The following RIMKLA variants were observed in gnomAD, a reference collection of about 807,000 sequenced individuals.
The protein encoded by RIMKLA is N-acetylaspartylglutamate synthase A.
A neutral mutation model predicts 32.7 loss-of-function variants in RIMKLA; 14 were observed. The observed-to-expected ratio is 0.43, with a 90% confidence interval of 0.28 to 0.67. The LOEUF (loss-of-function observed/expected upper bound fraction) is 0.67, where lower values mean the gene tolerates loss of function less well. Ranked by LOEUF, RIMKLA falls within the 30% of genes least tolerant of loss-of-function variation. The pLI is 0.18. For synonymous variants in RIMKLA, 176 were observed against 204.1 expected (o/e 0.86, Z 1.18); for missense variants, 410 against 519.0 (o/e 0.79, Z 2.04).
chr1:42,388,653 G>T (rs908591875), intron 1 of RIMKLA, among the ~76,000 whole-genome samples: 4 of 151,910 alleles, frequency 2.6e-5, no homozygotes, highest in Admixed American at 6.6e-5. Context: ...CAAGTAGCTG[G>T]GATTACAGGC....
chr1:42,402,131 C>T (rs938376539), intron 2 of RIMKLA, among the ~76,000 whole-genome samples: 24 of 152,284 alleles, frequency 1.6e-4, no homozygotes, highest in African/African-American at 5.5e-4. Flanking sequence ...ATCATTAGCA[C>T]TCTTGTGAAC....
Position 42,417,445 on chromosome 1 carries a change from A to C in RIMKLA, c.*2471A>C, listed in dbSNP as rs1643258357. ...CTGGCCACAGGCCTGCTGAAGGAAC[A>C]TGGGGTGTAGAGCCAGAGCCTGGTT... On this transcript the variant is annotated 3_prime_UTR_variant, in exon 5 of 5. Transcript: ENST00000431473. The C allele has an allele frequency of 2.0e-5, 3 of 152,264 alleles. No individual in the cohort carries two copies. Among genetic ancestry groups the C allele is most frequent in the Non-Finnish European group, 4.4e-5 (3 of 68,064 alleles). The allele number at this position is 152,264 out of a possible 1,614,324, so 9.4% of individuals were successfully genotyped here.
At chr1:42,391,538 G>A (rs915945999) in intron 1 of RIMKLA, among the ~76,000 whole-genome samples, 1 of 152,136 alleles carries the variant, frequency 6.6e-6, no homozygotes, top group African/African-American at 2.4e-5. Context: ...ACAGGATGCA[G>A]CTTGACTCAG....
At chr1:42,381,137 G>A (rs1431079931) in intron 1 of RIMKLA, 40 bp downstream of exon 1, 33 of 1,241,140 alleles carry the variant, frequency 2.7e-5, no homozygotes, top group Non-Finnish European at 2.0e-6. Context: ...GAGGCGCGCC[G>A]GGGTCCACGA....
In RIMKLA at chr1:42,399,551, G is replaced by A; in HGVS notation, c.311G>A (p.Ser104Asn). ...TGCCGGTTGGTCAATCGCCCACAGAGCATCTTAAATTGCATCAACAAATTC... is the reference window on the plus strand; with the variant it reads ...TGCCGGTTGGTCAATCGCCCACAGAACATCTTAAATTGCATCAACAAATTC... The part of the protein sequence containing the change: ...LGCRLVNRPQ[S>N]ILNCINKFWT... The change falls in exon 2 of 5, where the codon AGC becomes AAC. Residue 104 changes from serine (S) to asparagine (N), a missense_variant. By Grantham distance (46) the Ser-to-Asn change is conservative. Transcript: ENST00000431473. 1 of 1,613,552 alleles carries A rather than the reference G, an allele frequency of 6.2e-7. No homozygotes were observed. The highest frequency in any genetic ancestry group is 1.1e-5 in the South Asian group (1 of 90,828).
intron 1 of RIMKLA, among the ~76,000 whole-genome samples, chr1:42,384,146 T>C (rs1405883671): frequency 6.6e-6 from 1 of 152,116 alleles, no homozygotes; most frequent in African/African-American, 2.4e-5. Flanking sequence ...ATCCAGGGCT[T>C]AGAGTTTCAG....
chr1:42,382,061 G>A (rs1052719414), intron 1 of RIMKLA, among the ~76,000 whole-genome samples: 7 of 152,146 alleles, frequency 4.6e-5, no homozygotes, highest in African/African-American at 1.7e-4. Flanking sequence ...ACTTTGCTTT[G>A]GCAGGGGAAG....
At chr1:42,390,957 A>T (rs1642995158) in intron 1 of RIMKLA, among the ~76,000 whole-genome samples, 1 of 152,134 alleles carries the variant, frequency 6.6e-6, no homozygotes, top group Admixed American at 6.6e-5. Context: ...TTTGAATAGG[A>T]TAAGAAGGGA....
intron 1 of RIMKLA, among the ~76,000 whole-genome samples, chr1:42,389,681 G>C (rs1048609964): frequency 1.3e-5 from 2 of 152,082 alleles, no homozygotes; most frequent in Non-Finnish European, 2.9e-5. Flanking sequence ...GGGCGTGGTG[G>C]TGCGCGCCCA....
chr1:42,383,224 G>T lies in RIMKLA; in HGVS notation c.163+2127G>T, dbSNP rs1327970195. Among the ~76,000 whole-genome samples, 10 of 152,168 alleles carry T rather than the reference G, an allele frequency of 6.6e-5. No individual in the cohort carries two copies. The South Asian group carries it at 2.1e-3, about 32-fold the overall frequency. The stretch of plus-strand genomic sequence containing the variant: ...TACAGGAAAATGTACACAGCTATTT[G>T]CCTGGTCGATGGAGAAATTGAAGAC... On this transcript the variant is annotated intron_variant, in intron 1 of 4. Coordinates refer to ENST00000431473, the MANE Select transcript of RIMKLA (RefSeq NM_173642.4).
chr1:42,410,844 A>T (rs1350397738), intron 4 of RIMKLA, among the ~76,000 whole-genome samples: 4 of 152,188 alleles, frequency 2.6e-5, no homozygotes, highest in Non-Finnish European at 2.9e-5. Context: ...AAAAATCACA[A>T]TCACTAGTTA....
chr1:42,399,419 A>G lies in RIMKLA; in HGVS notation c.179A>G (p.Gln60Arg). ...VGGHLGLQLN[Q>R]KALTTFPDVV... is the part of the protein sequence containing the mutation. ...TGAATTGCAGGCCTCCAGCTAAACC[A>G]GAAGGCCCTCACCACTTTCCCGGAT... Residue 60 changes from glutamine to arginine, a missense_variant, in exon 2 of 5, where the codon CAG becomes CGG. By Grantham distance (43) the Gln-to-Arg change is conservative (BLOSUM62 1). Coordinates refer to ENST00000431473, the MANE Select transcript of RIMKLA (RefSeq NM_173642.4). The G allele has an allele frequency of 1.2e-6, 2 of 1,610,276 alleles. No homozygotes were observed. Among genetic ancestry groups the G allele is most frequent in the Admixed American group, 1.7e-5 (1 of 59,532 alleles).
At chr1:42,395,918 G>T (rs148529002) in intron 1 of RIMKLA, among the ~76,000 whole-genome samples, 39 of 152,278 alleles carry the variant, frequency 2.6e-4, no homozygotes, top group African/African-American at 8.2e-4. Context: ...GAAAGAGCAG[G>T]AGGCATGTGA....
rs1643313045 is a variant in RIMKLA, at chr1:42,423,582, TGCAGGG to T, written c.*8612_*8617del. Among the ~76,000 whole-genome samples the T allele has an allele frequency of 6.6e-6, 1 of 152,216 alleles. No homozygotes were observed. On this transcript the variant is annotated 3_prime_UTR_variant, in exon 5 of 5. Coordinates refer to ENST00000431473, the MANE Select transcript of RIMKLA (RefSeq NM_173642.4). ...ACGGTGGCTCTGGCAGAAACCATGC[TGCAGGG>T]GCACAGGTGGAGAGATGTTCAGGCT...
intron 3 of RIMKLA, among the ~76,000 whole-genome samples, chr1:42,404,911 A>T (rs1241988728): frequency 6.7e-6 from 1 of 150,258 alleles, no homozygotes; most frequent in East Asian, 2.0e-4. Flanking sequence ...TCACTGAAAA[A>T]CCCTCCCAAG....
At chr1:42,383,734 C>T (rs536914862) in intron 1 of RIMKLA, among the ~76,000 whole-genome samples, 1 of 152,284 alleles carries the variant, frequency 6.6e-6, no homozygotes, top group East Asian at 1.9e-4. Context: ...CGAAGAAGAA[C>T]CTGAGGCTCT....
chr1:42,407,448 T>C (rs939227053), intron 3 of RIMKLA, among the ~76,000 whole-genome samples: 60 of 152,218 alleles, frequency 3.9e-4, no homozygotes, highest in African/African-American at 1.4e-3. Flanking sequence ...AAAAGCTTCA[T>C]AGTTTTAGCC....
In RIMKLA at chr1:42,420,158, A is replaced by G. The variant is rs1557761526; in HGVS notation, c.*5184A>G. The G allele has an allele frequency of 6.6e-6, 1 of 152,216 alleles. No homozygotes were observed. Among genetic ancestry groups the G allele is most frequent in the East Asian group, 1.9e-4 (1 of 5,200 alleles). The allele number at this position is 152,216 out of a possible 1,614,324, so 9.4% of individuals were successfully genotyped here. On this transcript the variant is annotated 3_prime_UTR_variant, in exon 5 of 5. Coordinates refer to ENST00000431473, the MANE Select transcript of RIMKLA (RefSeq NM_173642.4). ...AACTGGGCTCTGTTTCTGAACCTCTAGATTTCTGTGATTTCTCAAAGACTT... is the reference window on the plus strand; with the variant it reads ...AACTGGGCTCTGTTTCTGAACCTCTGGATTTCTGTGATTTCTCAAAGACTT...
At chr1:42,387,674 T>A (rs1642961817) in intron 1 of RIMKLA, among the ~76,000 whole-genome samples, 1 of 152,184 alleles carries the variant, frequency 6.6e-6, no homozygotes, top group Non-Finnish European at 1.5e-5. Flanking sequence ...CGCTCATTAT[T>A]ATGATTTTAT....
Sources: gnomAD v4.1 joint callset for allele counts (sites outside exome capture counted in the v4.1 genomes callset) on GRCh38, gnomAD v4.1.1 for gene constraint, MANE v1.5 for transcripts, NCBI Gene and HGNC (gene_info 2026-07-23, HGNC 2026-07-21) for gene names.